Variants in IQCE observed in about 807,000 individuals in gnomAD.
IQCE encodes the protein IQ motif containing E, also known as IQ domain-containing protein E.
In IQCE, 115 loss-of-function variants were observed where a neutral mutation model predicts 96.0. The observed-to-expected ratio is 1.20, with a 90% CI of 1.03 to 1.40. The LOEUF (loss-of-function observed/expected upper bound fraction) is 1.40. IQCE is among the 40% of genes most tolerant of loss of function. IQCE has a pLI of 0.00. For missense variants in IQCE, 1,041 were observed against 909.1 expected (o/e 1.15, Z -1.87); for synonymous variants, 412 against 371.2 (o/e 1.11, Z -1.26).
At chr7:2,572,713 G>C in intron 5 of IQCE, 1 of 461,406 alleles carries the variant, frequency 2.2e-6, no homozygotes, top group Non-Finnish European at 4.3e-6. Flanking sequence ...TTCCTGCCTA[G>C]TCTCTTTTTT....
chr7:2,559,154 T>G lies in IQCE; in HGVS notation c.-28T>G. On this transcript the variant is annotated 5_prime_UTR_variant, in exon 1 of 22. The change abolishes the stop of an existing upstream ORF in the 5' untranslated region. Coordinates refer to ENST00000402050, the MANE Select transcript of IQCE (RefSeq NM_152558.5). The stretch of plus-strand genomic sequence containing the variant: ...ACCCGGACGCCCGAGCCAGCAACCC[T>G]GAGGGGCGGCCGGGCAGCGCCGCCA... The G allele has an allele frequency of 8.7e-7, 1 of 1,153,914 alleles. No individual in the cohort carries two copies. Among genetic ancestry groups the G allele is most frequent in the Non-Finnish European group, 1.1e-6 (1 of 938,342 alleles). 71.5% of individuals were successfully genotyped at this position (1,153,914 alleles called of 1,614,324 possible).
intron 5 of IQCE, chr7:2,572,691 T>G (rs902627493): frequency 1.5e-5 from 7 of 468,186 alleles, no homozygotes; most frequent in African/African-American, 1.2e-4. Context: ...TCAGCTTGTT[T>G]CTGTGTTTAT....
chr7:2,602,655 C>T (rs925942624), intron 18 of IQCE, among the ~76,000 whole-genome samples: 1 of 152,230 alleles, frequency 6.6e-6, no homozygotes, highest in Admixed American at 6.5e-5. Context: ...GCTTGACTTC[C>T]CCCTGCCCCA....
chr7:2,578,768 C>T (rs1027998552), intron 8 of IQCE, among the ~76,000 whole-genome samples: 2 of 152,176 alleles, frequency 1.3e-5, no homozygotes, highest in Non-Finnish European at 2.9e-5. Context: ...GGCGACTTCC[C>T]CCTCACACCT....
chr7:2,574,001 C>G (rs2128439896), intron 6 of IQCE, among the ~76,000 whole-genome samples: 1 of 152,268 alleles, frequency 6.6e-6, no homozygotes, highest in Non-Finnish European at 1.5e-5. Flanking sequence ...GTAGCAGAAC[C>G]AAGATTCAAG....
chr7:2,581,707 T>A (rs946943547), intron 8 of IQCE, among the ~76,000 whole-genome samples: 1 of 137,332 alleles, frequency 7.3e-6, no homozygotes, highest in African/African-American at 2.8e-5. Flanking sequence ...AAGAAAAGAA[T>A]GTTCTTTTTT....
chr7:2,585,255 C>G (rs1019610384), intron 11 of IQCE, among the ~76,000 whole-genome samples: 5 of 152,162 alleles, frequency 3.3e-5, no homozygotes, highest in Non-Finnish European at 7.4e-5. Context: ...CAAGGCTGTT[C>G]TCGAACTCCT....
chr7:2,578,604 C>T lies in IQCE; in HGVS notation c.630+78C>T, dbSNP rs576646163. ...GACAGCCACAGAGGGACGCCTTTCC[C>T]TGCAGCACCCACGCGTGAAGAGCAG... On this transcript the variant is annotated intron_variant, in intron 8 of 21. Transcript: ENST00000402050. 71 of 1,486,212 alleles carry T rather than the reference C, an allele frequency of 4.8e-5. No individual in the cohort carries two copies. The East Asian group carries it at 9.5e-4, about 20-fold the overall frequency. The allele number at this position is 1,486,212 out of a possible 1,614,324, so 92.1% of individuals were successfully genotyped here.
rs534084925 is a variant in IQCE, at chr7:2,559,851, G to T, written c.36+634G>T. Reference sequence around the variant, plus strand: ...AAGTGAGAAGTGCTGTGCAGAAAATGAAACAGGCCCATATGGCCGGGAGCC... The same window carrying T: ...AAGTGAGAAGTGCTGTGCAGAAAATTAAACAGGCCCATATGGCCGGGAGCC... On this transcript the variant is annotated intron_variant, in intron 1 of 21. Transcript: ENST00000402050. Among the ~76,000 whole-genome samples the T allele has an allele frequency of 1.5e-4, 21 of 138,260 alleles. No homozygotes were observed. The South Asian group carries it at 4.7e-3, about 31-fold the overall frequency. 90.7% of individuals were successfully genotyped at this position (138,260 alleles called of 152,430 possible).
intron 8 of IQCE, among the ~76,000 whole-genome samples, chr7:2,582,331 G>T (rs563156883): frequency 6.6e-6 from 1 of 152,346 alleles, no homozygotes; most frequent in East Asian, 1.9e-4. Flanking sequence ...CAGTCGGTCA[G>T]TGTGCCCACG....
chr7:2,591,087 T>C (rs1305010059), intron 14 of IQCE, among the ~76,000 whole-genome samples: 1 of 152,056 alleles, frequency 6.6e-6, no homozygotes, highest in African/African-American at 2.4e-5. Context: ...ACCTCGTCCC[T>C]ACAAAAAATA....
intron 21 of IQCE, among the ~76,000 whole-genome samples, chr7:2,608,605 G>A (rs1784979845): frequency 6.6e-6 from 1 of 152,204 alleles, no homozygotes; most frequent in Admixed American, 6.5e-5. Flanking sequence ...TGACTCGTGG[G>A]CTCTGCAAAA....
chr7:2,577,020 T>TG (rs557822558), intron 6 of IQCE, among the ~76,000 whole-genome samples: 216 of 152,208 alleles, frequency 1.4e-3, no homozygotes, highest in African/African-American at 4.9e-3. Context: ...TTCTTCTCTG[T>TG]GGGGGACTTC....
rs758523695 is a variant in IQCE, at chr7:2,584,291, A to G, written c.824+6A>G. On this transcript the variant is annotated splice_donor_region_variant and intron_variant, in intron 11 of 21. Coordinates refer to ENST00000402050, the MANE Select transcript of IQCE (RefSeq NM_152558.5). ...TCTGAAACCACCGGAAAGAAGTATG[A>G]TGGCCGCTTGCAAGCTGTGTTTTGT... 1.9e-6 allele frequency: 3 copies of G among 1,613,650 alleles called. No homozygotes were observed. The highest frequency in any genetic ancestry group is 1.7e-5 in the Admixed American group (1 of 60,008).
intron 1 of IQCE, among the ~76,000 whole-genome samples, chr7:2,563,375 TTGTGTG>T (rs143397539): frequency 2.7e-4 from 37 of 135,796 alleles, no homozygotes; most frequent in South Asian, 1.3e-3. Context: ...TAATTTTTTG[TTGTGTG>T]TGTGTGTGTG....
intron 6 of IQCE, among the ~76,000 whole-genome samples, chr7:2,574,374 A>T (rs1187058955): frequency 6.6e-6 from 1 of 152,228 alleles, no homozygotes; most frequent in Non-Finnish European, 1.5e-5. Context: ...CCTGGTGTAG[A>T]CCATTATACA....
chr7:2,563,189 G>A (rs1327168498), intron 1 of IQCE, among the ~76,000 whole-genome samples: 1 of 152,112 alleles, frequency 6.6e-6, no homozygotes, highest in Non-Finnish European at 1.5e-5. Flanking sequence ...GCCTCCCAAA[G>A]TGTTGGGATT....
At chr7:2,585,454 C>T (rs547208810) in intron 11 of IQCE, among the ~76,000 whole-genome samples, 129 of 152,352 alleles carry the variant, frequency 8.5e-4, no homozygotes, top group African/African-American at 3.0e-3. Context: ...TCATGGCTGG[C>T]CTGAACGAGG....
intron 3 of IQCE, among the ~76,000 whole-genome samples, chr7:2,570,227 C>T (rs551555231): frequency 2.1e-4 from 32 of 152,238 alleles, no homozygotes; most frequent in African/African-American, 5.8e-4. Context: ...TGTCGTTTTC[C>T]GGGCAGTATC....
Sources: gnomAD v4.1 joint callset for allele counts (sites outside exome capture counted in the v4.1 genomes callset) on GRCh38, gnomAD v4.1.1 for gene constraint, MANE v1.5 for transcripts, NCBI Gene and HGNC (gene_info 2026-07-23, HGNC 2026-07-21) for gene names.